Variants in RAD51B observed in about 807,000 individuals in gnomAD.
RAD51B encodes RAD51 paralog B, also known as DNA repair protein RAD51 homolog 2.
Under a neutral mutation model 42.2 loss-of-function variants are expected in RAD51B, and 38 were observed. That is an observed-to-expected ratio of 0.90 (90% CI 0.70 to 1.18). The LOEUF is 1.18. Among genes scored for constraint, RAD51B ranks in the 50% most tolerant of loss-of-function variants. The pLI is 0.00. For missense variants in RAD51B, 373 were observed against 400.7 expected (o/e 0.93, Z 0.59); for synonymous variants, 154 against 145.2 (o/e 1.06, Z -0.43).
intron 7 of RAD51B, among the ~76,000 whole-genome samples, chr14:68,063,353 G>A (rs977811305): frequency 6.6e-6 from 1 of 152,134 alleles, no homozygotes; most frequent in African/African-American, 2.4e-5. Flanking sequence ...TTGGATAATG[G>A]GGGTGAATTT....
At chr14:68,270,679 C>T (rs190166639) in intron 7 of RAD51B, among the ~76,000 whole-genome samples, 12 of 152,306 alleles carry the variant, frequency 7.9e-5, no homozygotes, top group South Asian at 2.1e-4. Flanking sequence ...GCCTGGGAAA[C>T]GCCACTGACT....
Position 68,060,789 on chromosome 14 carries a change from G to A in RAD51B, c.756+173585G>A, listed in dbSNP as rs1478458584. On this transcript the variant is annotated intron_variant, in intron 7 of 10. Transcript: ENST00000471583. ...ATCTAATTAGCATTTCCTATTGAAG[G>A]TTAAATATTAAATATTTTTCCCAGC... Among the ~76,000 whole-genome samples the A allele has an allele frequency of 2.6e-5, 4 of 152,154 alleles. 1 individual carries two copies. Among genetic ancestry groups the A allele is most frequent in the African/African-American group, 9.7e-5 (4 of 41,438 alleles).
At chr14:68,133,297 G>A (rs965840744) in intron 7 of RAD51B, among the ~76,000 whole-genome samples, 1 of 152,188 alleles carries the variant, frequency 6.6e-6, no homozygotes, top group Non-Finnish European at 1.5e-5. Context: ...GGATTACTCT[G>A]TTTGGAAACT....
chr14:68,447,143 A>C (rs2085439870), intron 9 of RAD51B, among the ~76,000 whole-genome samples: 1 of 152,188 alleles, frequency 6.6e-6, no homozygotes, highest in African/African-American at 2.4e-5. Flanking sequence ...CACTTGACCC[A>C]GGAGGCAGAG....
At chr14:67,920,962 T>C (rs2044303355) in intron 7 of RAD51B, among the ~76,000 whole-genome samples, 1 of 152,176 alleles carries the variant, frequency 6.6e-6, no homozygotes, top group African/African-American at 2.4e-5. Flanking sequence ...AGACATTTAT[T>C]TGTATTTGGT....
At chr14:68,126,356 G>C (rs1179527490) in intron 7 of RAD51B, among the ~76,000 whole-genome samples, 2 of 152,122 alleles carry the variant, frequency 1.3e-5, no homozygotes, top group Admixed American at 6.6e-5. Context: ...CCAAAAAAAA[G>C]TCTCATACTC....
At chr14:68,364,709 G>A (rs1196315466) in intron 8 of RAD51B, among the ~76,000 whole-genome samples, 10 of 152,206 alleles carry the variant, frequency 6.6e-5, no homozygotes, top group Non-Finnish European at 7.3e-5. Context: ...GAGCAGTAAG[G>A]TCTGTTGTGT....
At chr14:68,453,065 C>T (rs2085598569) in intron 9 of RAD51B, among the ~76,000 whole-genome samples, 2 of 151,956 alleles carry the variant, frequency 1.3e-5, no homozygotes, top group African/African-American at 4.8e-5. Context: ...TGTGTGTGCA[C>T]ATGTGTGTGT....
intron 7 of RAD51B, among the ~76,000 whole-genome samples, chr14:68,144,273 G>T (rs2078204199): frequency 6.6e-6 from 1 of 152,158 alleles, no homozygotes; most frequent in Admixed American, 6.6e-5. Context: ...GGCCTGTGTT[G>T]TTTCCCCACA....
chr14:68,066,320 T>A (rs1230400990), intron 7 of RAD51B, among the ~76,000 whole-genome samples: 2 of 151,766 alleles, frequency 1.3e-5, no homozygotes, highest in Non-Finnish European at 2.9e-5. Flanking sequence ...TGGTAAAATT[T>A]AAAAAAAAGA....
At chr14:68,662,493 C>G (rs113655466) in intron 11 of RAD51B, among the ~76,000 whole-genome samples, 245 of 152,328 alleles carry the variant, frequency 1.6e-3, no homozygotes, top group African/African-American at 5.6e-3. Context: ...TTCTGGGACA[C>G]GGATGGAACC....
intron 9 of RAD51B, among the ~76,000 whole-genome samples, chr14:68,460,966 G>T (rs1002666751): frequency 2.6e-5 from 4 of 152,096 alleles, no homozygotes; most frequent in Non-Finnish European, 5.9e-5. Flanking sequence ...ATTCATTCTT[G>T]TATTTCATAA....
intron 8 of RAD51B, among the ~76,000 whole-genome samples, chr14:68,308,226 A>G (rs1374525077): frequency 2.6e-5 from 4 of 152,212 alleles, no homozygotes; most frequent in Non-Finnish European, 5.9e-5. Context: ...GAATTCTTCC[A>G]TTATATTTGC....
At chr14:68,562,948 G>A in intron 10 of RAD51B, 2 of 985,436 alleles carry the variant, frequency 2.0e-6, no homozygotes, top group South Asian at 9.4e-5. Context: ...TTGCTACAAA[G>A]GAAGCAATAG....
chr14:68,578,153 C>T (rs1380891083), intron 10 of RAD51B, among the ~76,000 whole-genome samples: 3 of 152,130 alleles, frequency 2.0e-5, no homozygotes, highest in South Asian at 2.1e-4. Context: ...TGGCTGGGCG[C>T]GGTGGCTCAT....
intron 7 of RAD51B, among the ~76,000 whole-genome samples, chr14:68,203,176 G>A (rs966995859): frequency 3.9e-5 from 6 of 152,004 alleles, no homozygotes; most frequent in Admixed American, 1.3e-4. Context: ...ATCCATCAGG[G>A]GAATCACTAT....
At chr14:68,020,755 T>G (rs187412059) in intron 7 of RAD51B, among the ~76,000 whole-genome samples, 1 of 152,338 alleles carries the variant, frequency 6.6e-6, no homozygotes, top group Admixed American at 6.5e-5. Flanking sequence ...TGGTAAATTT[T>G]ATGTATACTT....
At chr14:68,026,494 G>A (rs1450290761) in intron 7 of RAD51B, among the ~76,000 whole-genome samples, 1 of 151,538 alleles carries the variant, frequency 6.6e-6, no homozygotes, top group East Asian at 1.9e-4. Flanking sequence ...CTTTTCATAG[G>A]TCAAGAAGAA....
chr14:68,107,940 G>T (rs191090191), intron 7 of RAD51B, among the ~76,000 whole-genome samples: 44 of 151,746 alleles, frequency 2.9e-4, no homozygotes, highest in Middle Eastern at 3.4e-3. Flanking sequence ...CATATGATAA[G>T]GGTCTAGTAT....
Sources: allele counts gnomAD v4.1 joint callset (sites outside exome capture counted in the v4.1 genomes callset), GRCh38; gene constraint gnomAD v4.1.1; transcripts MANE v1.5; gene names NCBI Gene and HGNC (gene_info 2026-07-23, HGNC 2026-07-21).